DCLK1: variants seen among roughly 807,000 people sequenced by gnomAD.
DCLK1 encodes the protein serine/threonine-protein kinase DCLK1.
A neutral mutation model predicts 86.2 loss-of-function variants in DCLK1; 16 were observed. The observed-to-expected ratio is 0.19, with a 90% confidence interval of 0.13 to 0.28. The LOEUF (loss-of-function observed/expected upper bound fraction) is 0.28, where lower values mean the gene tolerates loss of function less well. Ranked by LOEUF, DCLK1 falls within the 10% of genes least tolerant of loss-of-function variation. The pLI is 1.00. For missense variants in DCLK1, 590 were observed against 940.2 expected, an observed-to-expected ratio of 0.63 and a Z score of 4.87; for synonymous variants, 369 against 370.5, an observed-to-expected ratio of 1.00 and a Z score of 0.05.
chr13:36,031,425 G>A (rs1253917692), intron 3 of DCLK1, among the ~76,000 whole-genome samples: 1 of 151,964 alleles, frequency 6.6e-6, no homozygotes, highest in Non-Finnish European at 1.5e-5. Flanking sequence ...AAAGGATTGG[G>A]GTTTATTTAG....
intron 3 of DCLK1, among the ~76,000 whole-genome samples, chr13:36,008,396 C>T (rs1479042630): frequency 1.8e-4 from 16 of 90,736 alleles, no homozygotes; most frequent in African/African-American, 7.2e-4. Flanking sequence ...ACCACAGTCC[C>T]CAGAATGTGA....
chr13:36,040,366 T>TGG (rs543684633), intron 3 of DCLK1, among the ~76,000 whole-genome samples: 58,332 of 127,772 alleles, frequency 0.46, 13,478 homozygotes, highest in African/African-American at 0.53. Context: ...TATTCCTCCA[T>TGG]AGGAATACCC....
chr13:35,879,664 T>C (rs1433585658), intron 4 of DCLK1, among the ~76,000 whole-genome samples: 4 of 152,194 alleles, frequency 2.6e-5, no homozygotes, highest in African/African-American at 9.7e-5. Context: ...AGTTGGTTTA[T>C]GTTGCCTTGT....
intron 6 of DCLK1, chr13:35,845,841 C>T (rs541249642): frequency 3.6e-6 from 3 of 836,566 alleles, no homozygotes; most frequent in African/African-American, 3.7e-5. Context: ...CACATGTGGT[C>T]ATTTCAATTT....
chr13:35,855,832 T>A, intron 5 of DCLK1: 1 of 1,220,314 alleles, frequency 8.2e-7, no homozygotes, highest in Non-Finnish European at 1.0e-6. Flanking sequence ...CCCAGTGCTG[T>A]CAGTACTTTG....
At chr13:35,793,736 A>T (rs186883749) in intron 15 of DCLK1, among the ~76,000 whole-genome samples, 1,988 of 151,976 alleles carry the variant, frequency 0.013, 44 homozygotes, top group African/African-American at 0.045. Context: ...AAAAAAAAAA[A>T]TTTCTGTTTT....
intron 12 of DCLK1, 148 bp from the exon 13 acceptor site, chr13:35,809,243 C>G (rs1252899915): frequency 2.0e-6 from 1 of 502,502 alleles, no homozygotes; most frequent in African/African-American, 1.9e-5. Context: ...TAAAACCCAC[C>G]ACCTAAACAG....
chr13:36,033,551 A>G (rs1882367866), intron 3 of DCLK1, among the ~76,000 whole-genome samples: 1 of 152,100 alleles, frequency 6.6e-6, no homozygotes, highest in African/African-American at 2.4e-5. Context: ...GGGAGTAATA[A>G]TACTTACCAT....
chr13:35,899,368 TGAGA>T (rs34255904), intron 4 of DCLK1, among the ~76,000 whole-genome samples: 11,483 of 130,110 alleles, frequency 0.088, 480 homozygotes, highest in East Asian at 0.16. Context: ...TGTGTGTGTG[TGAGA>T]GAGAGAGAGA....
At chr13:35,960,156 C>G (rs1878378212) in intron 3 of DCLK1, among the ~76,000 whole-genome samples, 2 of 152,104 alleles carry the variant, frequency 1.3e-5, no homozygotes, top group Non-Finnish European at 2.9e-5. Context: ...CCAATAAAGC[C>G]AAGAAGCTCC....
rs946973517 is a variant in DCLK1 at position 35,770,137 on chromosome 13, C to A, written c.*4398G>T. ...AAAATAAAAGACTGGCTTAAAAGCACCTCCTCCTCTAGTGTGTAATTACAT... is the reference window on the plus strand; with the variant it reads ...AAAATAAAAGACTGGCTTAAAAGCAACTCCTCCTCTAGTGTGTAATTACAT... On this transcript the variant is annotated 3_prime_UTR_variant, in exon 17 of 17. Coordinates refer to ENST00000360631, the MANE Select transcript of DCLK1 (RefSeq NM_001330071.2). The A allele has an allele frequency of 5.9e-5, 9 of 152,170 alleles. No individual in the cohort carries two copies. The highest frequency in any genetic ancestry group is 1.7e-4 in the African/African-American group (7 of 41,454). The allele number at this position is 152,170 out of a possible 1,614,324, so 9.4% of individuals were successfully genotyped here.
intron 3 of DCLK1, among the ~76,000 whole-genome samples, chr13:36,000,699 C>T (rs1880674761): frequency 6.6e-6 from 1 of 152,060 alleles, no homozygotes; most frequent in Non-Finnish European, 1.5e-5. Context: ...AGAATAATCA[C>T]AACCTGTTAA....
chr13:36,044,862 AT>A (rs1254014131), intron 3 of DCLK1, among the ~76,000 whole-genome samples: 1 of 152,156 alleles, frequency 6.6e-6, no homozygotes, highest in Non-Finnish European at 1.5e-5. Context: ...TACCCAAGAT[AT>A]TTTTGAGAAA....
intron 2 of DCLK1, among the ~76,000 whole-genome samples, chr13:36,118,780 C>T (rs7334271): frequency 0.25 from 38,195 of 151,992 alleles, 4,889 homozygotes; most frequent in African/African-American, 0.29. Flanking sequence ...GGCTTATAAA[C>T]AACACACATT....
chr13:35,934,524 G>A (rs551139922), intron 4 of DCLK1, among the ~76,000 whole-genome samples: 10 of 152,298 alleles, frequency 6.6e-5, no homozygotes, highest in East Asian at 1.9e-4. Context: ...TGAAGAAGAC[G>A]CAAAAGCAGA....
chr13:35,956,671 C>T (rs1367491885), intron 3 of DCLK1, among the ~76,000 whole-genome samples: 13 of 152,300 alleles, frequency 8.5e-5, no homozygotes, highest in African/African-American at 3.1e-4. Flanking sequence ...ACAGGACCAA[C>T]CAGGGATAGG....
intron 2 of DCLK1, among the ~76,000 whole-genome samples, chr13:36,118,362 C>G (rs574357091): frequency 1.3e-5 from 2 of 152,208 alleles, no homozygotes; most frequent in East Asian, 3.9e-4. Context: ...TTAGCAGATA[C>G]AACCAGCCAG....
At chr13:35,811,637 C>A (rs1160594612) in intron 11 of DCLK1, among the ~76,000 whole-genome samples, 2 of 152,038 alleles carry the variant, frequency 1.3e-5, no homozygotes, top group Admixed American at 6.6e-5. Context: ...GGTTCAAGAC[C>A]AGCCTGGCCA....
Position 35,848,947 on chromosome 13 carries a change from T to G in DCLK1, c.1035+5552A>C, listed in dbSNP as rs192235456. ...CAGCCTTTTGATCTCAGCAGGAGTC[T>G]CTGGTCATTTCTATTGGAAACAGTT... is the stretch of plus-strand genomic sequence containing the variant. On this transcript the variant is annotated intron_variant, in intron 6 of 16. Transcript: ENST00000360631. 392 of 985,384 alleles carry G rather than the reference T, an allele frequency of 4.0e-4. 1 individual carries two copies. The African/African-American group carries it at 6.5e-3, about 16-fold the overall frequency. The allele number at this position is 985,384 out of a possible 1,614,324, so 61.0% of individuals were successfully genotyped here.
Sources: allele counts gnomAD v4.1 joint callset (sites outside exome capture counted in the v4.1 genomes callset), GRCh38; gene constraint gnomAD v4.1.1; transcripts MANE v1.5; gene names NCBI Gene and HGNC (gene_info 2026-07-23, HGNC 2026-07-21).